ARID1B: variants seen among roughly 807,000 people sequenced by gnomAD.
The protein encoded by ARID1B is AT-rich interaction domain 1B, also known as AT-rich interactive domain-containing protein 1B.
In ARID1B, 30 loss-of-function variants were observed where a neutral mutation model predicts 212.3. That is an observed-to-expected ratio of 0.14 (90% CI 0.11 to 0.19). The LOEUF (loss-of-function observed/expected upper bound fraction) is 0.19, where lower values mean the gene tolerates loss of function less well. Ranked by LOEUF, ARID1B falls within the 10% of genes least tolerant of loss-of-function variation. The pLI, the probability that ARID1B is intolerant of heterozygous loss-of-function variation, is 1.00. For synonymous variants in ARID1B, 1,402 were observed against 1,301.7 expected (o/e 1.08, Z -1.66); for missense variants, 2,891 against 3,204.0 (o/e 0.90, Z 2.36).
intron 11 of ARID1B, among the ~76,000 whole-genome samples, chr6:157,176,301 G>T (rs1792098770): frequency 6.6e-6 from 1 of 152,200 alleles, no homozygotes; most frequent in African/African-American, 2.4e-5. Flanking sequence ...GCAGGAAGGG[G>T]CGCAACTCCT....
chr6:157,108,837 T>C (rs545330624), intron 5 of ARID1B, among the ~76,000 whole-genome samples: 9 of 152,228 alleles, frequency 5.9e-5, no homozygotes, highest in Non-Finnish European at 8.8e-5. Flanking sequence ...AAGCAGCTTC[T>C]AGTGGTGACA....
intron 7 of ARID1B, among the ~76,000 whole-genome samples, chr6:157,135,852 A>G (rs1023843273): frequency 6.6e-6 from 1 of 152,072 alleles, no homozygotes; most frequent in Non-Finnish European, 1.5e-5. Flanking sequence ...CCTTCTTTGC[A>G]TTAGAAGTGT....
intron 5 of ARID1B, among the ~76,000 whole-genome samples, chr6:157,089,931 C>T (rs992131111): frequency 5.3e-5 from 8 of 151,018 alleles, no homozygotes; most frequent in African/African-American, 1.9e-4. Context: ...TTCACTTTGG[C>T]GTTAGGAGGG....
At chr6:157,197,723 G>T (rs143482913) in intron 16 of ARID1B, among the ~76,000 whole-genome samples, 39 of 152,148 alleles carry the variant, frequency 2.6e-4, no homozygotes, top group South Asian at 4.2e-4. Context: ...TGTTTTTTTG[G>T]GGGGGGTAGC....
intron 11 of ARID1B, among the ~76,000 whole-genome samples, 165 bp from the exon 12 acceptor site, chr6:157,180,804 G>A (rs1188287750): frequency 6.6e-6 from 1 of 152,160 alleles, no homozygotes; most frequent in Non-Finnish European, 1.5e-5. Context: ...AAAATGTATA[G>A]TTTGTGCCTG....
intron 4 of ARID1B, among the ~76,000 whole-genome samples, chr6:157,032,810 A>G (rs545605229): frequency 6.6e-6 from 1 of 152,354 alleles, no homozygotes; most frequent in South Asian, 2.1e-4. Flanking sequence ...TACATCAAGT[A>G]TATGACTCAC....
chr6:156,933,895 G>C (rs1442154052), intron 3 of ARID1B, among the ~76,000 whole-genome samples: 1 of 152,166 alleles, frequency 6.6e-6, no homozygotes, highest in Non-Finnish European at 1.5e-5. Flanking sequence ...CACTAGGCTG[G>C]TTAAATCCAG....
At chr6:156,865,187 C>G (rs1785595018) in intron 2 of ARID1B, among the ~76,000 whole-genome samples, 1 of 152,128 alleles carries the variant, frequency 6.6e-6, no homozygotes, top group South Asian at 2.1e-4. Flanking sequence ...TGTGTTGGAT[C>G]TTTGGTTTCC....
rs113697763 is a variant in ARID1B at position 157,094,325 on chromosome 6, T to C, written c.2491+9420T>C. Among the ~76,000 whole-genome samples, 103 of 152,118 alleles carry C rather than the reference T, an allele frequency of 6.8e-4. No individual in the cohort carries two copies. Among genetic ancestry groups the C allele is most frequent in the African/African-American group, 2.5e-3 (102 of 41,490 alleles). On this transcript the variant is annotated intron_variant, in intron 5 of 19. Coordinates refer to ENST00000636930, the MANE Select transcript of ARID1B (RefSeq NM_001374828.1). The surrounding 1 kb of genome is among the most constrained non-coding windows in gnomAD (Gnocchi z 4.3). ...TTAGGTGAGAGAGGAGCTAACGACT[T>C]TGTAGGTTATGATTATGATTTAGGA... is the stretch of plus-strand genomic sequence containing the variant.
At chr6:157,003,778 T>C (rs1266665576) in intron 4 of ARID1B, among the ~76,000 whole-genome samples, 1 of 152,136 alleles carries the variant, frequency 6.6e-6, no homozygotes, top group African/African-American at 2.4e-5. Context: ...AGCCTCGACC[T>C]CCTTGGCTGA....
At chr6:157,161,431 G>GTGTATATATATATATATATATA (rs540423195) in intron 8 of ARID1B, among the ~76,000 whole-genome samples, 3 of 139,380 alleles carry the variant, frequency 2.2e-5, no homozygotes, top group African/African-American at 2.8e-5. Context: ...TTGTGTGTGT[G>GTGTATATATATATATATATATA]TATATATATA....
intron 5 of ARID1B, among the ~76,000 whole-genome samples, chr6:157,090,407 T>C (rs1196274570): frequency 3.3e-5 from 5 of 152,232 alleles, no homozygotes; most frequent in African/African-American, 4.8e-5. Flanking sequence ...CATTAGGCAT[T>C]TGGTATTTGT....
At chr6:157,068,430 C>T (rs995828782) in intron 4 of ARID1B, among the ~76,000 whole-genome samples, 1 of 151,982 alleles carries the variant, frequency 6.6e-6, no homozygotes, top group African/African-American at 2.4e-5. Context: ...TGGGGATCAC[C>T]CACAAGAAGA....
intron 6 of ARID1B, among the ~76,000 whole-genome samples, chr6:157,123,129 TCTC>T (rs1164503014): frequency 6.6e-6 from 1 of 151,708 alleles, no homozygotes; most frequent in Admixed American, 6.6e-5. Context: ...TCAGGGCCCT[TCTC>T]CTCACATTGA....
chr6:156,989,719 T>C (rs947127520), intron 4 of ARID1B, among the ~76,000 whole-genome samples: 1 of 152,210 alleles, frequency 6.6e-6, no homozygotes, highest in African/African-American at 2.4e-5. Context: ...GTATTGAAAT[T>C]AGCAATGTTT....
chr6:157,195,386 A>C (rs961516073), intron 15 of ARID1B: 4 of 152,196 alleles, frequency 2.6e-5, no homozygotes, highest in African/African-American at 9.7e-5. Context: ...CTAACACGTG[A>C]TCCCCCTCCA....
chr6:157,102,534 A>G (rs544992084), intron 5 of ARID1B, among the ~76,000 whole-genome samples: 23 of 147,382 alleles, frequency 1.6e-4, no homozygotes, highest in East Asian at 1.0e-3. Flanking sequence ...TGAGATTTCT[A>G]TGTCAGTGCT....
intron 4 of ARID1B, among the ~76,000 whole-genome samples, chr6:157,034,590 G>C (rs912099937): frequency 2.0e-5 from 3 of 152,208 alleles, no homozygotes; most frequent in Non-Finnish European, 4.4e-5. Flanking sequence ...ATTTCGGCCG[G>C]TAAGTTTAAT....
intron 4 of ARID1B, among the ~76,000 whole-genome samples, chr6:156,957,993 A>T (rs1380495047): frequency 2.0e-5 from 3 of 152,156 alleles, no homozygotes; most frequent in African/African-American, 7.2e-5. Context: ...CATGTTTAGA[A>T]TTTTCATAAG....
Sources: allele counts gnomAD v4.1 joint callset (sites outside exome capture counted in the v4.1 genomes callset), GRCh38; gene constraint gnomAD v4.1.1; non-coding constraint Gnocchi (gnomAD v3.1); transcripts MANE v1.5; gene names NCBI Gene and HGNC (gene_info 2026-07-23, HGNC 2026-07-21).